ZNF667: variants seen among roughly 807,000 people sequenced by gnomAD.
ZNF667 encodes zinc finger protein 667.
Under a neutral mutation model 31.8 loss-of-function variants are expected in ZNF667, and 13 were observed. The ratio of observed to expected loss-of-function variants is 0.41; its 90% confidence interval spans 0.27 to 0.65. The LOEUF (loss-of-function observed/expected upper bound fraction) is 0.65, where lower values mean the gene tolerates loss of function less well. Among genes scored for constraint, ZNF667 ranks in the 30% least tolerant of loss-of-function variants. ZNF667 has a pLI of 0.32. For synonymous variants in ZNF667, 228 were observed against 247.1 expected (o/e 0.92, Z 0.73); for missense variants, 642 against 725.6 (o/e 0.88, Z 1.32).
chr19:56,461,211 T>C (rs1225561614), intron 4 of ZNF667, among the ~76,000 whole-genome samples: 4 of 152,244 alleles, frequency 2.6e-5, no homozygotes, highest in African/African-American at 9.6e-5. Context: ...TTACTGCAGG[T>C]CTCACAGCTA....
Position 56,442,739 on chromosome 19 carries a change from A to C in ZNF667, c.256T>G (p.Ser86Ala). ...EPVRRRRAPD[S>A]GSKCETKKLP... ...TTCTTGGTCTCACATTTAGACCCCG[A>C]GTCTGAAAGACATAAAGGAATTAAA... Residue 86 changes from serine to alanine, a missense_variant and splice_region_variant, in exon 7 of 7, where the codon TCG (serine) becomes GCG (alanine). Physicochemically the swap from Ser to Ala is moderately conservative, Grantham distance 99. Transcript: ENST00000504904. 3.2e-6 allele frequency: 5 copies of C among 1,556,574 alleles called. No homozygotes were observed. Among genetic ancestry groups the C allele is most frequent in the Non-Finnish European group, 4.3e-6 (5 of 1,157,990 alleles).
In ZNF667 at chr19:56,471,795, G is replaced by A. The variant is rs932210658; in HGVS notation, c.-156C>T. ...TGCATTCATCCCGCAGTTTTCACAGGTGTGTGCACTCAGCCACGCACCCCA... is the reference window on the plus strand; with the variant it reads ...TGCATTCATCCCGCAGTTTTCACAGATGTGTGCACTCAGCCACGCACCCCA... On this transcript the variant is annotated 5_prime_UTR_variant, in exon 3 of 7. Transcript: ENST00000504904. 3.9e-5 allele frequency: 6 copies of A among 152,142 alleles called. No individual in the cohort carries two copies. The highest frequency in any genetic ancestry group is 8.8e-5 in the Non-Finnish European group (6 of 68,038). 9.4% of individuals were successfully genotyped at this position (152,142 alleles called of 1,614,324 possible). A position where few individuals can be genotyped will look rare whatever the true frequency, so the allele number is the denominator to read the frequency against.
chr19:56,444,281 T>C (rs2042677543), intron 6 of ZNF667: 2 of 398,430 alleles, frequency 5.0e-6, no homozygotes, highest in East Asian at 7.1e-5. Flanking sequence ...CTCAGTGAGC[T>C]CTTACTCATG....
rs868646489 is a variant in ZNF667 at position 56,442,177 on chromosome 19, T to G, written c.818A>C (p.Lys273Thr). 6.2e-7 allele frequency: 1 copy of G among 1,613,694 alleles called. No individual in the cohort carries two copies. Among genetic ancestry groups the G allele is most frequent in the Non-Finnish European group, 8.5e-7 (1 of 1,179,880 alleles). Residue 273 changes from lysine to threonine, a missense_variant, in exon 7 of 7, where the codon AAA becomes ACA. Physicochemically the swap from Lys to Thr is moderately conservative, Grantham distance 78 (BLOSUM62 -1). Transcript: ENST00000504904. Reference protein sequence around the residue: ...NQMSSLLLHKKIHNGKKTHKY... With the variant: ...NQMSSLLLHKTIHNGKKTHKY... ...ATGTGTTTTCTTTCCATTGTGAATT[T>G]TCTTATGAAGTAAAAGGGATGACAT...
chr19:56,461,567 C>A (rs2043045565), intron 4 of ZNF667, among the ~76,000 whole-genome samples: 1 of 152,186 alleles, frequency 6.6e-6, no homozygotes, highest in Admixed American at 6.5e-5. Flanking sequence ...AAGCAGATGA[C>A]CCAGCTAAAC....
rs2043299931 is a variant in ZNF667, at chr19:56,471,919, G to A, written c.-280C>T. On this transcript the variant is annotated 5_prime_UTR_variant, in exon 3 of 7. Transcript: ENST00000504904. ...CCCATAATTTCCACGTGTTGTGGGA[G>A]GGACCCGGTGGGAGATAACTGAATC... is the stretch of plus-strand genomic sequence containing the variant. The A allele has an allele frequency of 6.6e-6, 1 of 152,204 alleles. No individual in the cohort carries two copies. Among genetic ancestry groups the A allele is most frequent in the African/African-American group, 2.4e-5 (1 of 41,448 alleles). The allele number at this position is 152,204 out of a possible 1,614,324, so 9.4% of individuals were successfully genotyped here. A position where few individuals can be genotyped will look rare whatever the true frequency, so the allele number is the denominator to read the frequency against.
intron 6 of ZNF667, among the ~76,000 whole-genome samples, chr19:56,446,220 C>A (rs1417114595): frequency 6.6e-6 from 1 of 152,118 alleles, no homozygotes; most frequent in Non-Finnish European, 1.5e-5. Context: ...AACTCTATTA[C>A]CATAAGCATA....
chr19:56,468,394 CAG>C (rs2043211993), intron 3 of ZNF667: 1 of 152,202 alleles, frequency 6.6e-6, no homozygotes, highest in African/African-American at 2.4e-5. Flanking sequence ...AAAGGCTCAT[CAG>C]AGACTTGAAG....
chr19:56,452,173 C>T (rs1166474689), intron 6 of ZNF667, among the ~76,000 whole-genome samples: 6 of 151,702 alleles, frequency 4.0e-5, no homozygotes, highest in South Asian at 4.2e-4. Flanking sequence ...CTCAGCCTCC[C>T]GAGTAGCTGG....
chr19:56,450,258 A>C (rs963262798), intron 6 of ZNF667, among the ~76,000 whole-genome samples: 1 of 152,196 alleles, frequency 6.6e-6, no homozygotes, highest in Non-Finnish European at 1.5e-5. Flanking sequence ...ACTCTAATAC[A>C]TCTGGCAGCA....
At chr19:56,462,544 C>G in intron 3 of ZNF667, 115 bp from the exon 4 acceptor site, 1 of 700,574 alleles carries the variant, frequency 1.4e-6, no homozygotes, top group Middle Eastern at 2.7e-4. Flanking sequence ...CACACACACA[C>G]ACAGATGTCA....
intron 6 of ZNF667, among the ~76,000 whole-genome samples, chr19:56,456,300 G>A (rs2042930495): frequency 1.3e-5 from 2 of 152,160 alleles, no homozygotes; most frequent in Non-Finnish European, 2.9e-5. Flanking sequence ...ATTTATTACA[G>A]CAAAAGGATT....
intron 6 of ZNF667, among the ~76,000 whole-genome samples, chr19:56,452,110 G>A (rs912893435): frequency 2.7e-5 from 4 of 150,220 alleles, no homozygotes; most frequent in Admixed American, 1.3e-4. Context: ...GTGCAATGGC[G>A]CGATCTTGGC....
At chr19:56,461,348 C>T (rs534693683) in intron 4 of ZNF667, among the ~76,000 whole-genome samples, 1 of 152,218 alleles carries the variant, frequency 6.6e-6, no homozygotes, top group Non-Finnish European at 1.5e-5. Context: ...ATCAAGGTTA[C>T]TGATCACTTG....
chr19:56,452,714 G>A (rs1218387022), intron 6 of ZNF667, among the ~76,000 whole-genome samples: 1 of 152,126 alleles, frequency 6.6e-6, no homozygotes, highest in East Asian at 1.9e-4. Context: ...GAGGTCAGGA[G>A]TTCAAGACCA....
In ZNF667 at chr19:56,442,453, A is replaced by T. The variant is rs776681294; in HGVS notation, c.542T>A (p.Phe181Tyr). The T allele has an allele frequency of 1.2e-6, 2 of 1,614,020 alleles. No homozygotes were observed. The highest frequency in any genetic ancestry group is 8.5e-7 in the Non-Finnish European group (1 of 1,179,954). The change falls in exon 7 of 7, where the codon TTC (phenylalanine) becomes TAC (tyrosine). Residue 181 changes from phenylalanine (F) to tyrosine (Y), a missense_variant. Transcript: ENST00000504904. ...AAGTAGGATGGATGAGATCTGTCTGAAAGCTTTTCTACAATTACTGCATTC... is the reference window on the plus strand; with the variant it reads ...AAGTAGGATGGATGAGATCTGTCTGTAAGCTTTTCTACAATTACTGCATTC... Reference protein sequence around the residue: ...PFECSNCRKAFRQISSILLHQ... With the variant: ...PFECSNCRKAYRQISSILLHQ...
chr19:56,455,432 T>C (rs2042911945), intron 6 of ZNF667, among the ~76,000 whole-genome samples: 1 of 152,220 alleles, frequency 6.6e-6, no homozygotes, highest in Non-Finnish European at 1.5e-5. Context: ...CATGCAGTAG[T>C]ATTTAGCCAT....
In ZNF667 at chr19:56,441,190, T is replaced by C; in HGVS notation, c.1805A>G (p.Gln602Arg). Residue 602 changes from glutamine to arginine, a missense_variant, in exon 7 of 7, where the codon CAG (glutamine) becomes CGG (arginine). Physicochemically the swap from Gln to Arg is conservative, Grantham distance 43 (BLOSUM62 1). Transcript: ENST00000504904. This position sits in a 1 kb window ranked among gnomAD's most constrained non-coding sequence, Gnocchi z 4.2. ...YSRSSSLIRH[Q>R]NTHSEEKA Reference sequence around the variant, plus strand: ...GGCTTTTTCTTCAGAATGTGTATTCTGATGTCGAATCAGGGATGAACTCCG... The same window carrying C: ...GGCTTTTTCTTCAGAATGTGTATTCCGATGTCGAATCAGGGATGAACTCCG... 6.2e-7 allele frequency: 1 copy of C among 1,612,134 alleles called. No individual in the cohort carries two copies. The highest frequency in any genetic ancestry group is 1.3e-5 in the African/African-American group (1 of 75,016).
intron 3 of ZNF667, among the ~76,000 whole-genome samples, chr19:56,469,471 G>C (rs185811913): frequency 3.0e-4 from 46 of 152,278 alleles, no homozygotes; most frequent in African/African-American, 1.1e-3. Flanking sequence ...GGACAATACA[G>C]AACCTACTTC....
Sources: allele counts gnomAD v4.1 joint callset (sites outside exome capture counted in the v4.1 genomes callset), GRCh38; gene constraint gnomAD v4.1.1; non-coding constraint Gnocchi (gnomAD v3.1); transcripts MANE v1.5; gene names NCBI Gene and HGNC (gene_info 2026-07-23, HGNC 2026-07-21).